The following CACNA2D3 variants were observed in gnomAD, a reference collection of about 807,000 sequenced individuals.
CACNA2D3 encodes voltage-dependent calcium channel subunit alpha-2/delta-3.
In CACNA2D3, 60 loss-of-function variants were observed where a neutral mutation model predicts 160.6. The ratio of observed to expected loss-of-function variants is 0.37; its 90% CI spans 0.30 to 0.46. The LOEUF (loss-of-function observed/expected upper bound fraction) is 0.46, where lower values mean the gene tolerates loss of function less well. Ranked by LOEUF, CACNA2D3 falls within the 20% of genes least tolerant of loss-of-function variation. The pLI is 1.00. For missense variants in CACNA2D3, 1,205 were observed against 1,365.0 expected, an observed-to-expected ratio of 0.88 and a Z score of 1.85; for synonymous variants, 558 against 492.9, an observed-to-expected ratio of 1.13 and a Z score of -1.75.
chr3:54,880,912 C>T (rs761993121), intron 21 of CACNA2D3, 49 bp downstream of exon 21: 8 of 1,509,748 alleles, frequency 5.3e-6, no homozygotes, highest in South Asian at 3.4e-5. Flanking sequence ...GAGGAAAGCT[C>T]GGGAGCTAGC....
At chr3:54,854,719 A>C (rs887333303) in intron 17 of CACNA2D3, among the ~76,000 whole-genome samples, 2 of 152,108 alleles carry the variant, frequency 1.3e-5, no homozygotes, top group Admixed American at 6.5e-5. Context: ...AGAGGGGTTG[A>C]CTGTGTGTGA....
At chr3:54,521,668 G>T (rs1398372388) in intron 5 of CACNA2D3, among the ~76,000 whole-genome samples, 2 of 152,300 alleles carry the variant, frequency 1.3e-5, no homozygotes, top group East Asian at 1.9e-4. Context: ...TGTAAGAGTT[G>T]TATAGTTTTA....
At chr3:54,944,374 G>A (rs1701555235) in intron 27 of CACNA2D3, among the ~76,000 whole-genome samples, 1 of 151,364 alleles carries the variant, frequency 6.6e-6, no homozygotes, top group Non-Finnish European at 1.5e-5. Context: ...TATTTTGACT[G>A]TTTTATTTTA....
At chr3:54,487,161 G>A (rs754641749) in intron 4 of CACNA2D3, among the ~76,000 whole-genome samples, 1 of 152,116 alleles carries the variant, frequency 6.6e-6, no homozygotes, top group Admixed American at 6.6e-5. Flanking sequence ...GAGCCCAGGA[G>A]TTTGAGACCA....
At chr3:54,579,058 CTG>C (rs982323744) in intron 8 of CACNA2D3, among the ~76,000 whole-genome samples, 2 of 152,168 alleles carry the variant, frequency 1.3e-5, no homozygotes, top group African/African-American at 4.8e-5. Context: ...CCAGCTCAAA[CTG>C]TACAACCCCA....
chr3:54,884,124 G>T (rs1699872386), intron 21 of CACNA2D3, among the ~76,000 whole-genome samples: 1 of 152,078 alleles, frequency 6.6e-6, no homozygotes, highest in African/African-American at 2.4e-5. Context: ...AAAGTTGTTT[G>T]GTTGGGAAGA....
chr3:54,312,386 T>A (rs1396810657), intron 2 of CACNA2D3, among the ~76,000 whole-genome samples: 1 of 152,198 alleles, frequency 6.6e-6, no homozygotes, highest in Non-Finnish European at 1.5e-5. Flanking sequence ...AGAGGGTATT[T>A]TTTTTCCTGG....
chr3:54,342,456 G>A (rs1575405435), intron 3 of CACNA2D3, among the ~76,000 whole-genome samples: 1 of 152,160 alleles, frequency 6.6e-6, no homozygotes, highest in Non-Finnish European at 1.5e-5. Context: ...TGCATGGAGA[G>A]GGCATGTGCA....
At chr3:55,048,311 G>A (rs78343357) in intron 35 of CACNA2D3, among the ~76,000 whole-genome samples, 32,466 of 124,844 alleles carry the variant, frequency 0.26, 478 homozygotes, top group South Asian at 0.32. Context: ...TTAGCATGAA[G>A]GGTTGTTGAA....
chr3:54,714,067 T>C (rs1332055689), intron 11 of CACNA2D3, among the ~76,000 whole-genome samples: 1 of 152,088 alleles, frequency 6.6e-6, no homozygotes, highest in Non-Finnish European at 1.5e-5. Flanking sequence ...GATTTCTTGG[T>C]TGGAAAGAAA....
At chr3:54,150,662 C>A (rs1443893621) in intron 2 of CACNA2D3, among the ~76,000 whole-genome samples, 1 of 152,080 alleles carries the variant, frequency 6.6e-6, no homozygotes, top group East Asian at 1.9e-4. Context: ...AATGGTAGAG[C>A]CATGGTCAAA....
At chr3:54,183,870 A>G (rs540245350) in intron 2 of CACNA2D3, among the ~76,000 whole-genome samples, 9 of 147,408 alleles carry the variant, frequency 6.1e-5, no homozygotes, top group Non-Finnish European at 1.0e-4. Flanking sequence ...CAGCAACAAA[A>G]GCGAAACTCC....
chr3:54,928,805 G>A (rs1701104572), intron 27 of CACNA2D3, among the ~76,000 whole-genome samples: 1 of 151,878 alleles, frequency 6.6e-6, no homozygotes, highest in African/African-American at 2.4e-5. Flanking sequence ...TGAGGTCCTG[G>A]CCCTTCCCTC....
chr3:54,860,331 A>G (rs115711304), intron 17 of CACNA2D3, among the ~76,000 whole-genome samples: 3,103 of 152,226 alleles, frequency 0.02, 108 homozygotes, highest in African/African-American at 0.07. Context: ...AAATATTCTG[A>G]TTCTTCCAAA....
chr3:54,804,748 A>G (rs1178897766), intron 13 of CACNA2D3, among the ~76,000 whole-genome samples: 2 of 152,160 alleles, frequency 1.3e-5, no homozygotes, highest in Non-Finnish European at 1.5e-5. Context: ...CAGAACATAC[A>G]TTTTTTGCAG....
intron 13 of CACNA2D3, among the ~76,000 whole-genome samples, chr3:54,768,709 G>A (rs1171618799): frequency 6.6e-6 from 1 of 152,114 alleles, no homozygotes; most frequent in African/African-American, 2.4e-5. Context: ...CCATTACTAA[G>A]TAAACTTGGT....
intron 3 of CACNA2D3, among the ~76,000 whole-genome samples, chr3:54,328,047 C>G (rs1479019075): frequency 1.3e-5 from 2 of 152,158 alleles, no homozygotes; most frequent in Non-Finnish European, 1.5e-5. Context: ...AACTCTCTTG[C>G]AAAGAAACTT....
At chr3:54,807,812 C>G (rs1703172701) in intron 13 of CACNA2D3, among the ~76,000 whole-genome samples, 1 of 151,306 alleles carries the variant, frequency 6.6e-6, no homozygotes, top group Admixed American at 6.6e-5. Context: ...ACCCAAATGT[C>G]CAACAATGAT....
intron 35 of CACNA2D3, among the ~76,000 whole-genome samples, chr3:55,023,052 T>C (rs1477657694): frequency 6.6e-6 from 1 of 152,170 alleles, no homozygotes; most frequent in South Asian, 2.1e-4. Context: ...CCAAGAATGA[T>C]CTGAGAGTGA....
Sources: allele counts gnomAD v4.1 joint callset (sites outside exome capture counted in the v4.1 genomes callset), GRCh38; gene constraint gnomAD v4.1.1; transcripts MANE v1.5; gene names NCBI Gene and HGNC (gene_info 2026-07-23, HGNC 2026-07-21).